The following GRIP1 variants were observed in gnomAD, a reference collection of about 807,000 sequenced individuals.
The protein encoded by GRIP1 is glutamate receptor interacting protein 1.
Under a neutral mutation model 129.9 loss-of-function variants are expected in GRIP1, and 45 were observed. The observed-to-expected ratio is 0.35, with a 90% confidence interval of 0.27 to 0.44. The LOEUF is 0.44. Among genes scored for constraint, GRIP1 ranks in the 20% least tolerant of loss-of-function variants. GRIP1 has a pLI of 1.00. For missense variants in GRIP1, 1,196 were observed against 1,396.8 expected (o/e 0.86, Z 2.29); for synonymous variants, 530 against 520.8 (o/e 1.02, Z -0.24).
At chr12:66,939,717 T>C (rs1251805829) in intron 1 of GRIP1, among the ~76,000 whole-genome samples, 2 of 152,180 alleles carry the variant, frequency 1.3e-5, no homozygotes, top group African/African-American at 4.8e-5. Flanking sequence ...AGTATTCCCA[T>C]GAAACCATGG....
intron 1 of GRIP1, among the ~76,000 whole-genome samples, chr12:66,819,158 C>CT (rs2039276207): frequency 6.6e-6 from 1 of 152,178 alleles, no homozygotes; most frequent in Admixed American, 6.5e-5. Flanking sequence ...CTCTATTACA[C>CT]TTTTGGTAGG....
chr12:66,460,030 T>C (rs2059088065), intron 9 of GRIP1, among the ~76,000 whole-genome samples: 1 of 152,202 alleles, frequency 6.6e-6, no homozygotes, highest in South Asian at 2.1e-4. Context: ...CAGACAATGT[T>C]CACAATATTC....
rs565809291 is a variant in GRIP1 at position 67,052,716 on chromosome 12, C to T, written c.58+16334G>A. Among the ~76,000 whole-genome samples the T allele has an allele frequency of 4.0e-5, 6 of 149,258 alleles. 1 individual carries two copies. The highest frequency in any genetic ancestry group is 7.4e-5 in the African/African-American group (3 of 40,314). On this transcript the variant is annotated intron_variant, in intron 1 of 1. Coordinates refer to the GRIP1 transcript ENST00000643019. ...CAGAGCTTGCAGTGAGCCAAGATCACGCCACTGCACTCCAGCGTGGGTAAC... is the reference window on the plus strand; with the variant it reads ...CAGAGCTTGCAGTGAGCCAAGATCATGCCACTGCACTCCAGCGTGGGTAAC...
chr12:67,020,674 G>C (rs928519523), intron 1 of GRIP1, among the ~76,000 whole-genome samples: 4 of 151,988 alleles, frequency 2.6e-5, no homozygotes, highest in Admixed American at 6.6e-5. Flanking sequence ...CAAAGTGCTA[G>C]GATTATAGGC....
At chr12:66,893,078 C>G (rs1001947073) in intron 1 of GRIP1, among the ~76,000 whole-genome samples, 5 of 152,138 alleles carry the variant, frequency 3.3e-5, no homozygotes, top group Non-Finnish European at 7.4e-5. Flanking sequence ...CTTCCCCAAC[C>G]CTAAACCCCA....
In GRIP1 at chr12:66,377,004, AAAGGG is replaced by A. The variant is rs758492770; in HGVS notation, c.2778+8_2778+12del. The stretch of plus-strand genomic sequence containing the variant: ...GCTTCACAAGCAAAAATATAAACAT[AAAGGG>A]TAGCTACCAAGAGAGTCATGTTTCT... On this transcript the variant is annotated splice_region_variant and intron_variant, in intron 22 of 24. Transcript: ENST00000359742. 5.1e-5 allele frequency: 82 copies of A among 1,595,196 alleles called. No individual in the cohort carries two copies. Among genetic ancestry groups the A allele is most frequent in the Non-Finnish European group, 6.9e-5 (80 of 1,162,802 alleles).
chr12:66,724,759 CA>C (rs2036198900), intron 1 of GRIP1, among the ~76,000 whole-genome samples: 1 of 152,120 alleles, frequency 6.6e-6, no homozygotes, highest in South Asian at 2.1e-4. Flanking sequence ...ATTTGCTGCT[CA>C]GTGAAAAAAC....
chr12:67,014,825 T>C (rs2042761792), intron 1 of GRIP1, among the ~76,000 whole-genome samples: 1 of 152,194 alleles, frequency 6.6e-6, no homozygotes, highest in African/African-American at 2.4e-5. Context: ...TAGGTAACTA[T>C]TCTGCTGACA....
chr12:67,001,664 G>C (rs2042552571), intron 1 of GRIP1, among the ~76,000 whole-genome samples: 1 of 152,012 alleles, frequency 6.6e-6, no homozygotes, highest in Non-Finnish European at 1.5e-5. Flanking sequence ...CTAGAGATTG[G>C]AGCTAAACAG....
At chr12:66,748,917 T>C (rs1274223077) in intron 1 of GRIP1, among the ~76,000 whole-genome samples, 2 of 152,202 alleles carry the variant, frequency 1.3e-5, no homozygotes, top group Non-Finnish European at 2.9e-5. Flanking sequence ...TAACCATTCT[T>C]ATATACTTTA....
At chr12:67,048,472 T>G (rs1458365234) in intron 1 of GRIP1, among the ~76,000 whole-genome samples, 1 of 152,166 alleles carries the variant, frequency 6.6e-6, no homozygotes, top group African/African-American at 2.4e-5. Flanking sequence ...ATACATTTTT[T>G]TTTTTAAAGA....
intron 1 of GRIP1, among the ~76,000 whole-genome samples, chr12:66,821,378 A>T (rs148426767): frequency 1.6e-4 from 24 of 152,330 alleles, no homozygotes; most frequent in Middle Eastern, 6.8e-3. Context: ...ATGACTAAAG[A>T]TCTTCATAAC....
rs567653326 is a variant in GRIP1, at chr12:66,555,257, C to T, written c.137-13307G>A. Among the ~76,000 whole-genome samples, 58 of 152,312 alleles carry T rather than the reference C, an allele frequency of 3.8e-4. 1 individual carries two copies. Among genetic ancestry groups the T allele is most frequent in the African/African-American group, 1.3e-3 (55 of 41,572 alleles). On this transcript the variant is annotated intron_variant, in intron 2 of 24. Transcript: ENST00000359742. Reference sequence around the variant, plus strand: ...ATGGCAAGACAGTAAGAGTCTCTACCTAGTAATCCAGATAATTTTTCTGGA... The same window carrying T: ...ATGGCAAGACAGTAAGAGTCTCTACTTAGTAATCCAGATAATTTTTCTGGA...
chr12:66,845,020 T>C (rs969540845), intron 1 of GRIP1, among the ~76,000 whole-genome samples: 1 of 152,136 alleles, frequency 6.6e-6, no homozygotes, highest in Non-Finnish European at 1.5e-5. Context: ...AAAGGTGAAG[T>C]GTTCTAGAGA....
At chr12:66,602,099 A>G (rs2064302538) in intron 1 of GRIP1, among the ~76,000 whole-genome samples, 1 of 152,182 alleles carries the variant, frequency 6.6e-6, no homozygotes, top group Non-Finnish European at 1.5e-5. Context: ...GTCAAGAAAC[A>G]AGCCATTTTA....
intron 1 of GRIP1, among the ~76,000 whole-genome samples, chr12:66,957,982 T>C (rs2041867600): frequency 6.6e-6 from 1 of 152,180 alleles, no homozygotes; most frequent in Non-Finnish European, 1.5e-5. Context: ...TATTCAATTA[T>C]GTATTTTAGT....
Position 66,348,679 on chromosome 12 carries a change from T to TCAAA in GRIP1, c.*336_*339dup, listed in dbSNP as rs959196182. The TCAAA allele has an allele frequency of 3.5e-6, 1 of 282,530 alleles. No homozygotes were observed. Among genetic ancestry groups the TCAAA allele is most frequent in the Non-Finnish European group, 6.8e-6 (1 of 147,988 alleles). 17.5% of individuals were successfully genotyped at this position (282,530 alleles called of 1,614,324 possible). On this transcript the variant is annotated 3_prime_UTR_variant, in exon 25 of 25. Coordinates refer to ENST00000359742, the MANE Select transcript of GRIP1 (RefSeq NM_001366722.1). ...AAGGAAATCATCACAGAGAATATTT[T>TCAAA]CAAACAGATGTTTCTCTTTTTAAAA...
intron 19 of GRIP1, among the ~76,000 whole-genome samples, chr12:66,386,029 T>G (rs1333568392): frequency 1.3e-5 from 2 of 152,220 alleles, no homozygotes; most frequent in Non-Finnish European, 2.9e-5. Flanking sequence ...CCAGATTCCT[T>G]TCACTGATAT....
At chr12:66,664,185 G>A (rs543639309) in intron 1 of GRIP1, among the ~76,000 whole-genome samples, 1 of 152,032 alleles carries the variant, frequency 6.6e-6, no homozygotes, top group African/African-American at 2.4e-5. Context: ...AGCAGGGTTA[G>A]TTTTATGAAG....
Sources: allele counts gnomAD v4.1 joint callset (sites outside exome capture counted in the v4.1 genomes callset), GRCh38; gene constraint gnomAD v4.1.1; transcripts MANE v1.5; gene names NCBI Gene and HGNC (gene_info 2026-07-23, HGNC 2026-07-21).